SECISBP2L: variants seen among roughly 807,000 people sequenced by gnomAD.
The protein encoded by SECISBP2L is selenocysteine insertion sequence-binding protein 2-like.
In SECISBP2L, 43 loss-of-function variants were observed where a neutral mutation model predicts 114.7. The observed-to-expected ratio is 0.38, with a 90% CI of 0.29 to 0.48. SECISBP2L has a LOEUF of 0.48. Among genes scored for constraint, SECISBP2L ranks in the 20% least tolerant of loss-of-function variants. SECISBP2L has a pLI of 0.98. For synonymous variants in SECISBP2L, 451 were observed against 439.7 expected, an observed-to-expected ratio of 1.03 and a Z score of -0.32; for missense variants, 1,136 against 1,301.1, an observed-to-expected ratio of 0.87 and a Z score of 1.95.
intron 7 of SECISBP2L, among the ~76,000 whole-genome samples, chr15:49,019,942 CAG>C (rs1902608557): frequency 1.3e-5 from 2 of 152,086 alleles, no homozygotes; most frequent in South Asian, 4.1e-4. Flanking sequence ...ACTCAACAAC[CAG>C]AGAACCATGG....
rs765911677 is a variant in SECISBP2L, at chr15:49,037,643, G to A, written c.151C>T (p.Pro51Ser). The A allele has an allele frequency of 1.1e-5, 17 of 1,613,734 alleles. No homozygotes were observed. Among genetic ancestry groups the A allele is most frequent in the Non-Finnish European group, 1.7e-6 (2 of 1,179,894 alleles). ...SVSGVEPTPI[P>S]SYLITCYPFV... ...GGGTAACAAGTAATCAGGTAGCTGGGAATTGGAGTTGGTTCCACACCAGAA... is the reference window on the plus strand; with the variant it reads ...GGGTAACAAGTAATCAGGTAGCTGGAAATTGGAGTTGGTTCCACACCAGAA... The change falls in exon 2 of 18, where the codon CCC (proline) becomes TCC (serine). Residue 51 changes from proline to serine, a missense_variant. Around this residue, in one of 2 missense-constraint regions of SECISBP2L, gnomAD observed 452 missense variants for 452.3 expected, o/e 1.00. Transcript: ENST00000559471.
Position 48,996,631 on chromosome 15 carries a change from T to C in SECISBP2L, c.2404-45A>G, listed in dbSNP as rs779970585. On this transcript the variant is annotated intron_variant, in intron 16 of 17. Transcript: ENST00000559471. Reference sequence around the variant, plus strand: ...TGATTAATCCATTTTTTTGTTACACTTTTTATTCCTATTATGGATAATAAA... The same window carrying C: ...TGATTAATCCATTTTTTTGTTACACCTTTTATTCCTATTATGGATAATAAA... The C allele has an allele frequency of 2.0e-6, 3 of 1,508,178 alleles. No individual in the cohort carries two copies. The South Asian group carries it at 3.5e-5, about 18-fold the overall frequency. The allele number at this position is 1,508,178 out of a possible 1,614,324, so 93.4% of individuals were successfully genotyped here. A position where few individuals can be genotyped will look rare whatever the true frequency, so the allele number is the denominator to read the frequency against.
At chr15:49,027,515 T>C in intron 6 of SECISBP2L, 35 bp from the exon 7 acceptor site, 1 of 1,374,368 alleles carries the variant, frequency 7.3e-7, no homozygotes, top group Non-Finnish European at 1.0e-6. Context: ...ATAATTTACT[T>C]ATAAAAGGTA....
chr15:48,999,982 G>C lies in SECISBP2L; in HGVS notation c.2254C>G (p.Leu752Val), dbSNP rs753976735. ...NCEKIQSKGG[L>V]DEALYNVIAM... ...ATAACATTATAGAGAGCCTCATCCA[G>C]ACCACCTGAGAAAATCAACACATGC... is the stretch of plus-strand genomic sequence containing the variant. The change falls in exon 16 of 18, where the codon CTG becomes GTG. Residue 752 changes from leucine (L) to valine (V), a missense_variant. Transcript: ENST00000559471. 6.2e-7 allele frequency: 1 copy of C among 1,613,112 alleles called. No homozygotes were observed. Among genetic ancestry groups the C allele is most frequent in the Non-Finnish European group, 8.5e-7 (1 of 1,179,486 alleles).
intron 4 of SECISBP2L, among the ~76,000 whole-genome samples, chr15:49,030,613 TAGAA>T (rs748683643): frequency 3.9e-5 from 6 of 152,234 alleles, no homozygotes; most frequent in Non-Finnish European, 8.8e-5. Flanking sequence ...TTTTAATAAA[TAGAA>T]ATTCTTGATT....
chr15:49,045,611 A>ATT (rs1903230500), intron 1 of SECISBP2L, among the ~76,000 whole-genome samples: 1 of 152,208 alleles, frequency 6.6e-6, no homozygotes. Context: ...ACAGAACACT[A>ATT]ATAGGACTAC....
rs1193641847 is a variant in SECISBP2L at position 49,028,541 on chromosome 15, T to C, written c.806A>G (p.Asp269Gly). 6.2e-7 allele frequency: 1 copy of C among 1,614,062 alleles called. No homozygotes were observed. The highest frequency in any genetic ancestry group is 8.5e-7 in the Non-Finnish European group (1 of 1,180,034). The change falls in exon 5 of 18, where the codon GAC (aspartate) becomes GGC (glycine). Residue 269 changes from aspartate to glycine, a missense_variant. Physicochemically the swap from Asp to Gly is moderately conservative, Grantham distance 94. Transcript: ENST00000559471. ...SEQGASEADI[D>G]SDSGYCSPKH... ...GGGACTGCAGTAACCACTATCACTG[T>C]CAATGTCGGCTTCACTAGCCCCCTG...
At chr15:49,026,716 A>G (rs1215266536) in intron 7 of SECISBP2L, among the ~76,000 whole-genome samples, 1 of 152,224 alleles carries the variant, frequency 6.6e-6, no homozygotes, top group East Asian at 1.9e-4. Context: ...ATATAGTCAT[A>G]TGATAGTTTT....
intron 13 of SECISBP2L, among the ~76,000 whole-genome samples, chr15:49,010,428 C>T (rs1674392220): frequency 6.6e-6 from 1 of 152,132 alleles, no homozygotes; most frequent in Non-Finnish European, 1.5e-5. Context: ...CTTTCCTAAA[C>T]AGCTAAACTC....
At position 48,996,630 on chromosome 15, in the gene SECISBP2L, C is replaced by T. The variant is rs551490016; in HGVS notation, c.2404-44G>A. 3.3e-6 allele frequency: 5 copies of T among 1,507,810 alleles called. No homozygotes were observed. In the Admixed American group the frequency reaches 5.3e-5, roughly 16 times the overall value. The allele number at this position is 1,507,810 out of a possible 1,614,324, so 93.4% of individuals were successfully genotyped here. On this transcript the variant is annotated intron_variant, in intron 16 of 17. Coordinates refer to ENST00000559471, the MANE Select transcript of SECISBP2L (RefSeq NM_001193489.2). ...TTGATTAATCCATTTTTTTGTTACA[C>T]TTTTTATTCCTATTATGGATAATAA... is the stretch of plus-strand genomic sequence containing the variant.
chr15:48,996,153 T>A lies in SECISBP2L; in HGVS notation c.2623+214A>T, dbSNP rs535602321. 2.6e-4 allele frequency: 136 copies of A among 524,926 alleles called. 1 individual carries two copies. Among genetic ancestry groups the A allele is most frequent in the African/African-American group, 2.4e-3 (126 of 52,462 alleles). The allele number at this position is 524,926 out of a possible 1,614,324, so 32.5% of individuals were successfully genotyped here. A position where few individuals can be genotyped will look rare whatever the true frequency, so the allele number is the denominator to read the frequency against. ...AGCCCCTGAGGCTTTTTATAAAGAT[T>A]TGGAACTGTGATTAAATTCTGGGGT... On this transcript the variant is annotated intron_variant, in intron 17 of 17. Transcript: ENST00000559471.
chr15:49,018,758 T>C (rs1016104454), intron 8 of SECISBP2L, among the ~76,000 whole-genome samples: 8 of 152,180 alleles, frequency 5.3e-5, no homozygotes, highest in African/African-American at 1.7e-4. Context: ...AAATGTTACC[T>C]ACCCTGCCAC....
rs2141055124 is a variant in SECISBP2L at position 48,989,850 on chromosome 15, C to T, written c.*2394G>A. 1 of 152,674 alleles carries T rather than the reference C, an allele frequency of 6.5e-6. No homozygotes were observed. Among genetic ancestry groups the T allele is most frequent in the South Asian group, 2.1e-4 (1 of 4,820 alleles). The allele number at this position is 152,674 out of a possible 1,614,324, so 9.5% of individuals were successfully genotyped here. A position where few individuals can be genotyped will look rare whatever the true frequency, so the allele number is the denominator to read the frequency against. ...AAAAACTTTCCTAATTTTCACAACTCCTCCAAAGCCTGTAATTCAATATTC... is the reference window on the plus strand; with the variant it reads ...AAAAACTTTCCTAATTTTCACAACTTCTCCAAAGCCTGTAATTCAATATTC... On this transcript the variant is annotated 3_prime_UTR_variant, in exon 18 of 18. Transcript: ENST00000559471.
At chr15:49,023,175 T>C (rs918266415) in intron 7 of SECISBP2L, among the ~76,000 whole-genome samples, 1 of 152,180 alleles carries the variant, frequency 6.6e-6, no homozygotes, top group African/African-American at 2.4e-5. Context: ...GCAACTTGTA[T>C]TACATATTAA....
chr15:48,992,644 C>T lies in SECISBP2L; in HGVS notation c.2906G>A (p.Arg969Gln), dbSNP rs757799972. ...GGTGATGGAGGAATTCAAAAGATCTCGGCAACTGCCATCCAAAGAGCCAGT... is the reference window on the plus strand; with the variant it reads ...GGTGATGGAGGAATTCAAAAGATCTTGGCAACTGCCATCCAAAGAGCCAGT... The part of the protein sequence containing the change: ...TETGSLDGSC[R>Q]DLLNSSITST... The change falls in exon 18 of 18, where the codon CGA (arginine) becomes CAA (glutamine). Residue 969 changes from arginine (R) to glutamine (Q), a missense_variant. Arg to Gln is a conservative substitution (Grantham distance 43, BLOSUM62 1). This residue lies in a region of SECISBP2L where 684 missense variants were observed against 848.7 expected (regional missense o/e 0.81). Coordinates refer to ENST00000559471, the MANE Select transcript of SECISBP2L (RefSeq NM_001193489.2). The T allele has an allele frequency of 6.8e-6, 11 of 1,614,130 alleles. No individual in the cohort carries two copies. The Admixed American group carries it at 1.0e-4, about 15-fold the overall frequency.
At chr15:48,993,642 G>T (rs894041041) in intron 17 of SECISBP2L, among the ~76,000 whole-genome samples, 1 of 151,808 alleles carries the variant, frequency 6.6e-6, no homozygotes, top group South Asian at 2.1e-4. Context: ...TATAAGCAAA[G>T]AATCCATCCA....
intron 1 of SECISBP2L, among the ~76,000 whole-genome samples, chr15:49,038,083 T>C (rs1903049213): frequency 6.6e-6 from 1 of 152,176 alleles, no homozygotes; most frequent in African/African-American, 2.4e-5. Context: ...GTAAGAGATG[T>C]AGCTCTTCAG....
chr15:48,994,886 C>A (rs1466074298), intron 17 of SECISBP2L, among the ~76,000 whole-genome samples: 33 of 146,048 alleles, frequency 2.3e-4, no homozygotes, highest in Non-Finnish European at 4.0e-4. Flanking sequence ...AATTTTCCCA[C>A]ATATATTTAA....
Position 49,037,496 on chromosome 15 carries a change from T to C in SECISBP2L, c.203+95A>G, listed in dbSNP as rs758395130. 6.4e-6 allele frequency: 7 copies of C among 1,090,726 alleles called. No homozygotes were observed. In the African/African-American group the frequency reaches 1.1e-4, roughly 17 times the overall value. 67.6% of individuals were successfully genotyped at this position (1,090,726 alleles called of 1,614,324 possible). ...TTACTCCTCTTAATAGAGAAATGGT[T>C]AAAGTCTAAAAGTTGCAAAGGAAAA... is the stretch of plus-strand genomic sequence containing the variant. On this transcript the variant is annotated intron_variant, in intron 2 of 17. Transcript: ENST00000559471.
Sources: allele counts gnomAD v4.1 joint callset (sites outside exome capture counted in the v4.1 genomes callset), GRCh38; gene constraint gnomAD v4.1.1; regional missense constraint gnomAD v4.1.1; transcripts MANE v1.5; gene names NCBI Gene and HGNC (gene_info 2026-07-23, HGNC 2026-07-21).